GPC6: variants seen among roughly 807,000 people sequenced by gnomAD.
GPC6 encodes glypican-6.
GPC6 carries 14 observed loss-of-function variants against 55.2 expected under a neutral mutation model. The ratio of observed to expected loss-of-function variants is 0.25; its 90% confidence interval spans 0.17 to 0.40. GPC6 has a LOEUF of 0.40. GPC6 is among the 10% of genes least tolerant of loss of function. The probability of loss-of-function intolerance (pLI) is 1.00; values close to 1 mark genes in which losing one functional copy is unlikely to be tolerated. For missense variants in GPC6, 641 were observed against 708.5 expected (o/e 0.90, Z 1.08); for synonymous variants, 278 against 259.6 (o/e 1.07, Z -0.68).
intron 1 of GPC6, among the ~76,000 whole-genome samples, chr13:93,413,275 G>A (rs1265489764): frequency 6.6e-6 from 1 of 152,138 alleles, no homozygotes; most frequent in Non-Finnish European, 1.5e-5. Flanking sequence ...ACGAAGAAAT[G>A]TTTAATGAGT....
At chr13:94,201,470 C>A (rs1370117894) in intron 4 of GPC6, among the ~76,000 whole-genome samples, 1 of 151,986 alleles carries the variant, frequency 6.6e-6, no homozygotes, top group Non-Finnish European at 1.5e-5. Flanking sequence ...AAACACACAC[C>A]AAAAAATATA....
intron 2 of GPC6, among the ~76,000 whole-genome samples, chr13:93,552,417 C>T (rs1594260051): frequency 6.6e-6 from 1 of 151,396 alleles, no homozygotes; most frequent in Non-Finnish European, 1.5e-5. Context: ...GATCTTTGTA[C>T]AACTGGAATA....
chr13:94,280,964 T>A (rs1237605597), intron 4 of GPC6, among the ~76,000 whole-genome samples: 1 of 152,132 alleles, frequency 6.6e-6, no homozygotes, highest in Non-Finnish European at 1.5e-5. Flanking sequence ...GGAAAGTTGT[T>A]TTTTATTTTT....
At chr13:93,856,779 A>G (rs1263423341) in intron 3 of GPC6, among the ~76,000 whole-genome samples, 1 of 151,594 alleles carries the variant, frequency 6.6e-6, no homozygotes, top group Admixed American at 6.6e-5. Context: ...ACAAACCAGG[A>G]ATGGATTGTG....
intron 4 of GPC6, among the ~76,000 whole-genome samples, chr13:94,257,178 G>T (rs188791981): frequency 3.8e-4 from 58 of 152,282 alleles, no homozygotes; most frequent in African/African-American, 1.3e-3. Context: ...CCTGCAGAGA[G>T]TTTAGGGCAG....
chr13:93,330,899 G>T (rs190719969), intron 1 of GPC6, among the ~76,000 whole-genome samples: 1 of 152,070 alleles, frequency 6.6e-6, no homozygotes. Flanking sequence ...TCTTCTTACA[G>T]TTCTATCACT....
At chr13:93,639,060 T>G (rs1189426252) in intron 2 of GPC6, among the ~76,000 whole-genome samples, 1 of 151,942 alleles carries the variant, frequency 6.6e-6, no homozygotes, top group Non-Finnish European at 1.5e-5. Flanking sequence ...GGTACTACAT[T>G]GTAGTGGAGG....
chr13:93,776,479 A>G (rs1052647590), intron 2 of GPC6, among the ~76,000 whole-genome samples: 1 of 152,154 alleles, frequency 6.6e-6, no homozygotes, highest in African/African-American at 2.4e-5. Context: ...AATTATCTCC[A>G]GAAGAGTGTC....
At chr13:94,336,624 G>A (rs932251157) in intron 6 of GPC6, among the ~76,000 whole-genome samples, 15 of 152,114 alleles carry the variant, frequency 9.9e-5, no homozygotes, top group East Asian at 1.9e-4. Context: ...CGAAGGGTTG[G>A]TGCTCAATAT....
chr13:93,803,731 C>G (rs915472723), intron 2 of GPC6, among the ~76,000 whole-genome samples: 6 of 152,146 alleles, frequency 3.9e-5, no homozygotes, highest in African/African-American at 1.4e-4. Flanking sequence ...AGTAACCGTA[C>G]AGTGGAATAT....
At chr13:94,223,595 T>C (rs1487076196) in intron 4 of GPC6, among the ~76,000 whole-genome samples, 1 of 152,172 alleles carries the variant, frequency 6.6e-6, no homozygotes, top group East Asian at 1.9e-4. Flanking sequence ...TCCATGAGGA[T>C]AAAAATGCAA....
intron 1 of GPC6, among the ~76,000 whole-genome samples, chr13:93,344,766 A>C (rs1490119506): frequency 6.6e-6 from 1 of 152,178 alleles, no homozygotes; most frequent in Non-Finnish European, 1.5e-5. Flanking sequence ...GAATGAGTCG[A>C]GTGACCAGCA....
At chr13:93,602,962 G>A (rs1038234313) in intron 2 of GPC6, among the ~76,000 whole-genome samples, 1 of 152,012 alleles carries the variant, frequency 6.6e-6, no homozygotes, top group African/African-American at 2.4e-5. Flanking sequence ...ACACAGGCCT[G>A]AGTGTCAGTA....
chr13:94,183,923 A>G (rs1889082144), intron 4 of GPC6, among the ~76,000 whole-genome samples: 1 of 152,204 alleles, frequency 6.6e-6, no homozygotes, highest in Admixed American at 6.5e-5. Context: ...CTGTAACAAA[A>G]TAAGAAACCC....
At chr13:93,972,567 T>C (rs904062329) in intron 3 of GPC6, among the ~76,000 whole-genome samples, 1 of 152,104 alleles carries the variant, frequency 6.6e-6, no homozygotes, top group Admixed American at 6.6e-5. Context: ...CATGAGGTAA[T>C]GTCTCTAAGA....
At chr13:94,319,975 C>T (rs1332771268) in intron 6 of GPC6, among the ~76,000 whole-genome samples, 1 of 152,188 alleles carries the variant, frequency 6.6e-6, no homozygotes, top group Non-Finnish European at 1.5e-5. Flanking sequence ...GTCTTTCACT[C>T]TCTTTCTCTA....
At chr13:93,961,806 TC>T (rs200016135) in intron 3 of GPC6, among the ~76,000 whole-genome samples, 2 of 140,172 alleles carry the variant, frequency 1.4e-5, no homozygotes, top group East Asian at 2.3e-4. Context: ...ATTTCTCCCC[TC>T]CTTTTTTTTT....
chr13:93,916,660 G>T (rs1877309798), intron 3 of GPC6, among the ~76,000 whole-genome samples: 1 of 152,072 alleles, frequency 6.6e-6, no homozygotes, highest in African/African-American at 2.4e-5. Flanking sequence ...ACTAGAAGAG[G>T]TGCCATAAAA....
intron 6 of GPC6, among the ~76,000 whole-genome samples, chr13:94,326,205 GCA>G (rs3138573): frequency 0.016 from 2,388 of 147,796 alleles, 42 homozygotes; most frequent in African/African-American, 0.041. Context: ...GTATGCTTGT[GCA>G]CACACACACA....
Sources: allele counts gnomAD v4.1 joint callset (sites outside exome capture counted in the v4.1 genomes callset), GRCh38; gene constraint gnomAD v4.1.1; transcripts MANE v1.5; gene names NCBI Gene and HGNC (gene_info 2026-07-23, HGNC 2026-07-21).